Variants in WASF2 observed in about 807,000 individuals in gnomAD.
WASF2 encodes WASP family member 2, also known as actin-binding protein WASF2.
Under a neutral mutation model 45.0 loss-of-function variants are expected in WASF2, and 14 were observed. The observed-to-expected ratio is 0.31, with a 90% CI of 0.21 to 0.49. The LOEUF (loss-of-function observed/expected upper bound fraction) is 0.49. WASF2 is among the 20% of genes least tolerant of loss of function. The pLI, the probability that WASF2 is intolerant of heterozygous loss-of-function variation, is 0.99. For synonymous variants in WASF2, 200 were observed against 236.3 expected (o/e 0.85, Z 1.41); for missense variants, 439 against 636.1 (o/e 0.69, Z 3.33).
chr1:27,418,421 C>T lies in WASF2; in HGVS notation c.267G>A (p.Val89=). 6.2e-7 allele frequency: 1 copy of T among 1,614,184 alleles called. No homozygotes were observed. The highest frequency in any genetic ancestry group is 8.5e-7 in the Non-Finnish European group (1 of 1,180,038). ...TTCGGGTGTTGATTCCTTGCAGTGA[C>T]ACTGAGAGAAGATGGAAGGCGTTAG... ...VTQLDPKEEE[V]SLQGINTRKA... is the part of the protein sequence containing the mutation. The change falls in exon 4 of 9, where the codon GTG becomes GTA. Residue 89 remains valine (V), a splice_region_variant and synonymous_variant. Transcript: ENST00000618852.
intron 1 of WASF2, among the ~76,000 whole-genome samples, chr1:27,481,437 G>A (rs942008200): frequency 2.0e-5 from 3 of 152,174 alleles, no homozygotes; most frequent in Admixed American, 1.3e-4. Context: ...GGTGGCTCAC[G>A]CCTGTAATCC....
chr1:27,418,424 TGA>T lies in WASF2; in HGVS notation c.266-4_266-3del. Reference sequence around the variant, plus strand: ...GGGTGTTGATTCCTTGCAGTGACACTGAGAGAAGATGGAAGGCGTTAGAAAAT... The same window carrying T: ...GGGTGTTGATTCCTTGCAGTGACACTGAGAAGATGGAAGGCGTTAGAAAAT... On this transcript the variant is annotated splice_region_variant and splice_polypyrimidine_tract_variant and intron_variant, in intron 3 of 8. Coordinates refer to ENST00000618852, the MANE Select transcript of WASF2 (RefSeq NM_006990.5). 1.9e-6 allele frequency: 3 copies of T among 1,614,214 alleles called. No homozygotes were observed. The highest frequency in any genetic ancestry group is 2.5e-6 in the Non-Finnish European group (3 of 1,180,036).
chr1:27,489,053 G>A (rs928458713), intron 1 of WASF2, among the ~76,000 whole-genome samples: 8 of 151,746 alleles, frequency 5.3e-5, no homozygotes, highest in African/African-American at 1.5e-4. Context: ...GAGCCCCAAG[G>A]GGCTCCAAGG....
At chr1:27,454,356 A>G (rs1571148610) in intron 1 of WASF2, among the ~76,000 whole-genome samples, 1 of 148,094 alleles carries the variant, frequency 6.8e-6, no homozygotes, top group Non-Finnish European at 1.5e-5. Flanking sequence ...ATGCCCAACT[A>G]ATTTTTTTTT....
Position 27,408,354 on chromosome 1 carries a change from CAA to C in WASF2, c.1340-10_1340-9del. On this transcript the variant is annotated splice_polypyrimidine_tract_variant and intron_variant, in intron 8 of 8. Transcript: ENST00000618852. The stretch of plus-strand genomic sequence containing the variant: ...CCCTGCGCAGCTGAAAACCTAGTGG[CAA>C]AGAGACAGAAGGGTGAGGAAGGCGT... 6.2e-7 allele frequency: 1 copy of C among 1,614,102 alleles called. No individual in the cohort carries two copies. The highest frequency in any genetic ancestry group is 2.2e-5 in the East Asian group (1 of 44,890).
intron 2 of WASF2, among the ~76,000 whole-genome samples, chr1:27,426,197 T>A (rs545072219): frequency 6.6e-6 from 1 of 152,332 alleles, no homozygotes; most frequent in African/African-American, 2.4e-5. Flanking sequence ...TAAAAACACT[T>A]GTTACATTAC....
At chr1:27,421,113 A>G (rs2016902860) in intron 2 of WASF2, among the ~76,000 whole-genome samples, 1 of 152,216 alleles carries the variant, frequency 6.6e-6, no homozygotes, top group Non-Finnish European at 1.5e-5. Flanking sequence ...CTTCTAATCA[A>G]GGAAGAAGCA....
intron 1 of WASF2, among the ~76,000 whole-genome samples, chr1:27,453,466 C>T (rs559978013): frequency 6.6e-6 from 1 of 151,608 alleles, no homozygotes; most frequent in South Asian, 2.1e-4. Context: ...GTGGTGGACG[C>T]CTGTAATCCC....
chr1:27,474,520 C>T (rs1448347184), intron 1 of WASF2, among the ~76,000 whole-genome samples: 1 of 151,952 alleles, frequency 6.6e-6, no homozygotes, highest in Non-Finnish European at 1.5e-5. Context: ...ACCTCTAATC[C>T]CAGCACTTTG....
chr1:27,475,136 G>A (rs1571163433), intron 1 of WASF2, among the ~76,000 whole-genome samples: 4 of 152,050 alleles, frequency 2.6e-5, no homozygotes, highest in Admixed American at 2.0e-4. Flanking sequence ...AATTAGGCAG[G>A]TGTGGTGTTA....
intron 1 of WASF2, among the ~76,000 whole-genome samples, chr1:27,455,313 T>C (rs1205446541): frequency 1.3e-5 from 2 of 152,146 alleles, no homozygotes; most frequent in Admixed American, 1.3e-4. Flanking sequence ...GGCTAGAGTA[T>C]GTGCCAGCAG....
chr1:27,457,540 AACGG>A (rs1295028148), intron 1 of WASF2, among the ~76,000 whole-genome samples: 1 of 152,092 alleles, frequency 6.6e-6, no homozygotes, highest in Non-Finnish European at 1.5e-5. Context: ...ATTAAGACAA[AACGG>A]ATAGAAGAAT....
In WASF2 at chr1:27,416,222, A is replaced by C. The variant is rs192834404; in HGVS notation, c.420-120T>G. Reference sequence around the variant, plus strand: ...ACCAAGGAATCAAGAAGTCATTTGAATCGATTGCATACCTCCTCTCCCATA... The same window carrying C: ...ACCAAGGAATCAAGAAGTCATTTGACTCGATTGCATACCTCCTCTCCCATA... On this transcript the variant is annotated intron_variant, in intron 4 of 8. Coordinates refer to ENST00000618852, the MANE Select transcript of WASF2 (RefSeq NM_006990.5). 1.0e-5 allele frequency: 8 copies of C among 791,824 alleles called. No individual in the cohort carries two copies. The East Asian group carries it at 2.0e-4, about 20-fold the overall frequency. 49.0% of individuals were successfully genotyped at this position (791,824 alleles called of 1,614,324 possible).
chr1:27,487,651 T>TATTTTATACAA (rs2017960264), intron 1 of WASF2, among the ~76,000 whole-genome samples: 11 of 96,732 alleles, frequency 1.1e-4, no homozygotes, highest in African/African-American at 3.4e-4. Flanking sequence ...ATATTATATA[T>TATTTTATACAA]TATATAATAT....
intron 1 of WASF2, among the ~76,000 whole-genome samples, chr1:27,476,588 A>T (rs577582023): frequency 7.6e-5 from 11 of 144,842 alleles, no homozygotes; most frequent in African/African-American, 1.8e-4. Context: ...GACAAAATTT[A>T]AAAAAAAAAA....
rs533080427 is a variant in WASF2 at position 27,422,675 on chromosome 1, C to A, written c.131-3587G>T. Among the ~76,000 whole-genome samples, 11 of 151,322 alleles carry A rather than the reference C, an allele frequency of 7.3e-5. No individual in the cohort carries two copies. In the South Asian group the frequency reaches 2.3e-3, roughly 32 times the overall value. The stretch of plus-strand genomic sequence containing the variant: ...AGTCTCAGCTCTTTCTATTTATACT[C>A]GTGTACTCATCAGCAAGTCACAATC... On this transcript the variant is annotated intron_variant, in intron 2 of 8. Coordinates refer to ENST00000618852, the MANE Select transcript of WASF2 (RefSeq NM_006990.5).
intron 2 of WASF2, among the ~76,000 whole-genome samples, chr1:27,421,396 G>A (rs533913641): frequency 6.6e-6 from 1 of 152,330 alleles, no homozygotes; most frequent in African/African-American, 2.4e-5. Flanking sequence ...AATAAAAGAA[G>A]GCTAGGCATG....
chr1:27,476,452 C>A (rs1000735486), intron 1 of WASF2, among the ~76,000 whole-genome samples: 1 of 152,182 alleles, frequency 6.6e-6, no homozygotes, highest in Non-Finnish European at 1.5e-5. Context: ...TCATGAGGGA[C>A]CTGCCCCCAT....
rs139306449 is a variant in WASF2, at chr1:27,479,981, C to T, written c.-44+10005G>A. Among the ~76,000 whole-genome samples, 60 of 152,288 alleles carry T rather than the reference C, an allele frequency of 3.9e-4. No individual in the cohort carries two copies. In the East Asian group the frequency reaches 7.1e-3, roughly 18 times the overall value. ...TTTGCAAATTATCATCCAATGAATG[C>T]TGAAGGAACTTTAAAAGTAAAGATA... On this transcript the variant is annotated intron_variant, in intron 1 of 8. Coordinates refer to ENST00000618852, the MANE Select transcript of WASF2 (RefSeq NM_006990.5).
Sources: allele counts gnomAD v4.1 joint callset (sites outside exome capture counted in the v4.1 genomes callset), GRCh38; gene constraint gnomAD v4.1.1; transcripts MANE v1.5; gene names NCBI Gene and HGNC (gene_info 2026-07-23, HGNC 2026-07-21).